The following PUM1 variants were observed in gnomAD, a reference collection of about 807,000 sequenced individuals.
PUM1 encodes the protein pumilio homolog 1.
PUM1 carries 13 observed loss-of-function variants against 131.8 expected under a neutral mutation model. The observed-to-expected ratio is 0.10, with a 90% CI of 0.06 to 0.16. The LOEUF (loss-of-function observed/expected upper bound fraction) is 0.16. Among genes scored for constraint, PUM1 ranks in the 10% least tolerant of loss-of-function variants. The probability of loss-of-function intolerance (pLI) is 1.00; values close to 1 mark genes in which losing one functional copy is unlikely to be tolerated. For missense variants in PUM1, 961 were observed against 1,512.4 expected, an observed-to-expected ratio of 0.64 and a Z score of 6.05; for synonymous variants, 509 against 556.5, an observed-to-expected ratio of 0.91 and a Z score of 1.20.
chr1:30,936,954 T>C, intron 20 of PUM1, 119 bp from the exon 21 acceptor site: 1 of 843,486 alleles, frequency 1.2e-6, no homozygotes, highest in Non-Finnish European at 1.8e-6. Context: ...TATTTAACAT[T>C]TGAGGAAGAT....
At chr1:30,985,490 T>C (rs1000894949) in intron 7 of PUM1, among the ~76,000 whole-genome samples, 13 of 151,866 alleles carry the variant, frequency 8.6e-5, no homozygotes, top group African/African-American at 3.1e-4. Flanking sequence ...CCATCTCTAA[T>C]AAAAATACAA....
At chr1:31,008,699 T>C (rs1642483135) in intron 3 of PUM1, among the ~76,000 whole-genome samples, 1 of 152,116 alleles carries the variant, frequency 6.6e-6, no homozygotes, top group Non-Finnish European at 1.5e-5. Context: ...ATTAGAAATA[T>C]TGTTGATGAG....
chr1:31,029,661 CACCTACCCCTGGGCAAGGGATT>C (rs1643345839), intron 2 of PUM1, among the ~76,000 whole-genome samples: 2 of 152,176 alleles, frequency 1.3e-5, no homozygotes, highest in South Asian at 4.1e-4. Context: ...CTAGAGTCAC[CACCTACCCCTGGGCAAGGGATT>C]CAAGAGTACA....
At chr1:30,989,242 C>T (rs1480491162) in intron 7 of PUM1, among the ~76,000 whole-genome samples, 3 of 152,038 alleles carry the variant, frequency 2.0e-5, no homozygotes, top group Non-Finnish European at 4.4e-5. Flanking sequence ...TCATTTTCTT[C>T]GTATATAAAA....
At chr1:31,057,430 A>AAAAAG (rs1339330152) in intron 2 of PUM1, among the ~76,000 whole-genome samples, 1 of 126,660 alleles carries the variant, frequency 7.9e-6, no homozygotes, top group African/African-American at 4.0e-5. Context: ...AAAGAAAAAG[A>AAAAAG]AAAAAAAAAA....
At chr1:31,027,313 T>C (rs1354902587) in intron 3 of PUM1, among the ~76,000 whole-genome samples, 2 of 152,278 alleles carry the variant, frequency 1.3e-5, no homozygotes, top group Admixed American at 1.3e-4. Context: ...ACACCTGGAA[T>C]TGGATTTTTG....
chr1:30,966,973 C>T, intron 12 of PUM1, 194 bp downstream of exon 12: 1 of 619,286 alleles, frequency 1.6e-6, no homozygotes, highest in Admixed American at 3.5e-5. Context: ...ACCCCTCCCC[C>T]AACCCACCAA....
chr1:30,992,561 A>G lies in PUM1; in HGVS notation c.987T>C (p.Asn329=), dbSNP rs1641832074. The G allele has an allele frequency of 5.0e-6, 8 of 1,614,204 alleles. No individual in the cohort carries two copies. Among genetic ancestry groups the G allele is most frequent in the African/African-American group, 1.3e-5 (1 of 75,066 alleles). ...AGAAATCCTCCACAGGCTTGGCACC[A>G]TTGGTGCTGGTCAGCTGGGCTAAGC... ...SEGLAQLTST[N]GAKPVEDFSN... is the part of the protein sequence containing the mutation. The change falls in exon 7 of 22, where the codon AAT becomes AAC. Residue 329 remains asparagine (N), a synonymous_variant. Transcript: ENST00000426105.
At chr1:30,973,553 G>A (rs1243278905) in intron 10 of PUM1, among the ~76,000 whole-genome samples, 2 of 152,104 alleles carry the variant, frequency 1.3e-5, no homozygotes, top group African/African-American at 4.8e-5. Flanking sequence ...TCAAAATAAA[G>A]TATCGTTTGG....
intron 7 of PUM1, among the ~76,000 whole-genome samples, chr1:30,984,802 AT>A (rs1641483262): frequency 6.6e-6 from 1 of 152,136 alleles, no homozygotes; most frequent in Non-Finnish European, 1.5e-5. Flanking sequence ...TACTACTATT[AT>A]TACTGTTGTT....
chr1:31,006,016 T>C lies in PUM1; in HGVS notation c.557A>G (p.Gln186Arg). 6.2e-7 allele frequency: 1 copy of C among 1,602,396 alleles called. No individual in the cohort carries two copies. The highest frequency in any genetic ancestry group is 1.1e-5 in the South Asian group (1 of 88,944). Reference sequence around the variant, plus strand: ...AGGTCTTCTCTGCACCATGATTGGCTGGGAAACTGAATGATCTACAAAAAA... The same window carrying C: ...AGGTCTTCTCTGCACCATGATTGGCCGGGAAACTGAATGATCTACAAAAAA... Reference protein sequence around the residue: ...AWGTSDHSVSQPIMVQRRPGQ... With the variant: ...AWGTSDHSVSRPIMVQRRPGQ... Residue 186 changes from glutamine (Q) to arginine (R), a missense_variant, in exon 5 of 22, where the codon CAG becomes CGG. By Grantham distance (43) the Gln-to-Arg change is conservative. Transcript: ENST00000426105.
chr1:31,005,795 G>A (rs1570254868), intron 5 of PUM1, 58 bp downstream of exon 5: 1 of 87,662 alleles, frequency 1.1e-5, no homozygotes, highest in Non-Finnish European at 1.4e-5. Flanking sequence ...GAAAAAAAGA[G>A]AGAGAGAGAG....
At chr1:31,038,984 A>ATATTTTT in intron 2 of PUM1, among the ~76,000 whole-genome samples, 3 of 49,416 alleles carry the variant, frequency 6.1e-5, no homozygotes, top group African/African-American at 4.1e-4. Flanking sequence ...ATATATATAT[A>ATATTTTT]TTTTTTTTTT....
In PUM1 at chr1:30,953,745, T is replaced by C; in HGVS notation, c.2560A>G (p.Met854Val). ...LQLREIAGHI[M>V]EFSQDQHGSR... ...CCATGCTGGTCTTGGGAAAATTCCA[T>C]TATATGTCCAGCAATCTCCCGCAGT... Residue 854 changes from methionine to valine, a missense_variant, in exon 15 of 22, where the codon ATG (methionine) becomes GTG (valine). Transcript: ENST00000426105. 6 of 1,614,204 alleles carry C rather than the reference T, an allele frequency of 3.7e-6. No individual in the cohort carries two copies. The highest frequency in any genetic ancestry group is 5.1e-6 in the Non-Finnish European group (6 of 1,180,042).
chr1:30,959,530 G>A (rs564506573), intron 14 of PUM1, among the ~76,000 whole-genome samples: 1 of 152,088 alleles, frequency 6.6e-6, no homozygotes, highest in South Asian at 2.1e-4. Flanking sequence ...TGGAATGCAG[G>A]ATTGGATTAA....
chr1:31,043,264 G>A (rs1022803063), intron 2 of PUM1, among the ~76,000 whole-genome samples: 2 of 151,798 alleles, frequency 1.3e-5, no homozygotes, highest in African/African-American at 2.4e-5. Flanking sequence ...GTGCAATGGT[G>A]CGATCTCAGC....
At chr1:31,034,557 G>A (rs994306090) in intron 2 of PUM1, among the ~76,000 whole-genome samples, 6 of 152,106 alleles carry the variant, frequency 3.9e-5, no homozygotes, top group African/African-American at 1.2e-4. Context: ...GAAAAGAAAT[G>A]TGCTGAAAGA....
intron 2 of PUM1, 148 bp downstream of exon 2, chr1:31,059,056 A>T: frequency 1.1e-6 from 1 of 899,018 alleles, no homozygotes; most frequent in Non-Finnish European, 1.7e-6. Context: ...TAACAGTATT[A>T]CAATGATCAA....
Position 30,931,764 on chromosome 1 carries a change from C to G in PUM1, c.*1447G>C, listed in dbSNP as rs1638983146. 6.6e-6 allele frequency: 1 copy of G among 152,546 alleles called. No homozygotes were observed. Among genetic ancestry groups the G allele is most frequent in the Admixed American group, 6.6e-5 (1 of 15,266 alleles). The allele number at this position is 152,546 out of a possible 1,614,324, so 9.4% of individuals were successfully genotyped here. On this transcript the variant is annotated 3_prime_UTR_variant, in exon 22 of 22. Transcript: ENST00000426105. ...TATGTTACATTCACTTACAAGTAGA[C>G]AAAATGCAAAATACAGTTCATCTTC...
Sources: gnomAD v4.1 joint callset for allele counts (sites outside exome capture counted in the v4.1 genomes callset) on GRCh38, gnomAD v4.1.1 for gene constraint, MANE v1.5 for transcripts, NCBI Gene and HGNC (gene_info 2026-07-23, HGNC 2026-07-21) for gene names.